TNS1: variants seen among roughly 807,000 people sequenced by gnomAD.
TNS1 encodes tensin-1.
Under a neutral mutation model 168.6 loss-of-function variants are expected in TNS1, and 62 were observed. The observed-to-expected ratio is 0.37, with a 90% confidence interval of 0.30 to 0.45. The LOEUF is 0.45. Ranked by LOEUF, TNS1 falls within the 20% of genes least tolerant of loss-of-function variation. The pLI is 1.00. For synonymous variants in TNS1, 934 were observed against 933.2 expected (o/e 1.00, Z -0.02); for missense variants, 2,240 against 2,339.4 (o/e 0.96, Z 0.88).
At chr2:217,820,647 T>C (rs1942694531) in intron 23 of TNS1, among the ~76,000 whole-genome samples, 1 of 152,068 alleles carries the variant, frequency 6.6e-6, no homozygotes, top group Non-Finnish European at 1.5e-5. Flanking sequence ...TCTCCCCTCC[T>C]GGGGGCGACA....
At chr2:217,824,601 G>A (rs371738322) in intron 22 of TNS1, among the ~76,000 whole-genome samples, 9 of 152,192 alleles carry the variant, frequency 5.9e-5, no homozygotes, top group East Asian at 3.8e-4. Flanking sequence ...CCCTCTGCAA[G>A]TCGGGAAGCC....
At position 217,876,307 on chromosome 2, in the gene TNS1, C is replaced by A. The variant is rs1020461650; in HGVS notation, c.1429+4591G>T. ...TTATACAGCAGAGGCAAAAACACAG[C>A]GCCACCCCTACCCATGGGGACCTGG... On this transcript the variant is annotated intron_variant, in intron 18 of 32. Coordinates refer to ENST00000682258, the MANE Select transcript of TNS1 (RefSeq NM_001387777.1). 2.6e-5 allele frequency among the ~76,000 whole-genome samples: 4 copies of A among 152,140 alleles called. No individual in the cohort carries two copies. In the South Asian group the frequency reaches 8.3e-4, roughly 32 times the overall value.
chr2:217,800,166 A>C lies in TNS1; in HGVS notation c.*4293T>G, dbSNP rs1032494941. On this transcript the variant is annotated 3_prime_UTR_variant, in exon 33 of 33. Coordinates refer to ENST00000682258, the MANE Select transcript of TNS1 (RefSeq NM_001387777.1). ...CACTGATGTGCTCTCACACACACGCACAAACAAAACACAGACACAGGAGAG... is the reference window on the plus strand; with the variant it reads ...CACTGATGTGCTCTCACACACACGCCCAAACAAAACACAGACACAGGAGAG... The C allele has an allele frequency of 2.0e-5, 3 of 152,358 alleles. No homozygotes were observed. Among genetic ancestry groups the C allele is most frequent in the African/African-American group, 7.2e-5 (3 of 41,448 alleles). 9.4% of individuals were successfully genotyped at this position (152,358 alleles called of 1,614,324 possible).
At chr2:217,916,744 C>A (rs1955053829) in intron 4 of TNS1, among the ~76,000 whole-genome samples, 1 of 152,214 alleles carries the variant, frequency 6.6e-6, no homozygotes, top group Non-Finnish European at 1.5e-5. Context: ...ATTTGGCTGG[C>A]AGGGCCTGAA....
intron 18 of TNS1, chr2:217,850,229 G>A (rs977937679): frequency 1.0e-6 from 1 of 985,290 alleles, no homozygotes; most frequent in Non-Finnish European, 1.2e-6. Context: ...ACAGGCCAAG[G>A]TGGGGCTCAG....
chr2:217,809,549 A>G lies in TNS1; in HGVS notation c.5273+274T>C, dbSNP rs1393714209. ...GGTGCATGGATGGATGCATGGATGG[A>G]TGGATGGATGGATGGATGGATGGAT... is the stretch of plus-strand genomic sequence containing the variant. On this transcript the variant is annotated intron_variant, in intron 30 of 32. Transcript: ENST00000682258. Among the ~76,000 whole-genome samples, 336 of 72,798 alleles carry G rather than the reference A, an allele frequency of 4.6e-3. 105 individuals are homozygous for G. Among genetic ancestry groups the G allele is most frequent in the Admixed American group, 0.017 (112 of 6,672 alleles). 47.8% of individuals were successfully genotyped at this position (72,798 alleles called of 152,430 possible). A position where few individuals can be genotyped will look rare whatever the true frequency, so the allele number is the denominator to read the frequency against.
chr2:217,908,386 C>T (rs760480370), intron 4 of TNS1, among the ~76,000 whole-genome samples: 2 of 152,120 alleles, frequency 1.3e-5, no homozygotes, highest in Non-Finnish European at 2.9e-5. Flanking sequence ...GTTATGGGGC[C>T]CTCAAATTGG....
intron 12 of TNS1, chr2:217,890,605 G>A (rs376433645): frequency 1.2e-4 from 37 of 303,032 alleles, no homozygotes; most frequent in African/African-American, 7.3e-4. Context: ...GCAGTCTCCC[G>A]TAGACTCATC....
chr2:217,995,790 C>T lies in TNS1; in HGVS notation c.34-4734G>A, dbSNP rs1958458526. 6.6e-6 allele frequency among the ~76,000 whole-genome samples: 1 copy of T among 152,322 alleles called. No individual in the cohort carries two copies. The highest frequency in any genetic ancestry group is 2.1e-4 in the South Asian group (1 of 4,828). The stretch of plus-strand genomic sequence containing the variant: ...CCCACACCCCTCAACCCCCACCTCT[C>T]TCAAGAGCCAGGGCCCAGGAAAGGG... On this transcript the variant is annotated intron_variant, in intron 1 of 32. Coordinates refer to ENST00000682258, the MANE Select transcript of TNS1 (RefSeq NM_001387777.1). The surrounding 1 kb of genome is among the most constrained non-coding windows in gnomAD (Gnocchi z 4.1).
intron 32 of TNS1, among the ~76,000 whole-genome samples, chr2:217,804,843 T>C (rs1434808830): frequency 6.6e-6 from 1 of 152,036 alleles, no homozygotes; most frequent in African/African-American, 2.4e-5. Flanking sequence ...AAATCCCCTT[T>C]GAAGGGGTGC....
chr2:217,931,017 G>A (rs367886422), intron 3 of TNS1, among the ~76,000 whole-genome samples: 28 of 152,216 alleles, frequency 1.8e-4, no homozygotes, highest in Admixed American at 8.5e-4. Flanking sequence ...CGTGGGGAGC[G>A]AGACCACGTG....
At chr2:217,938,064 A>G (rs1429951779) in intron 3 of TNS1, among the ~76,000 whole-genome samples, 3 of 152,200 alleles carry the variant, frequency 2.0e-5, no homozygotes, top group African/African-American at 7.2e-5. Flanking sequence ...GGCAGAGGTG[A>G]GCAGGGGCCA....
At chr2:217,890,683 T>A (rs1179461392) in intron 12 of TNS1, 2 of 504,226 alleles carry the variant, frequency 4.0e-6, no homozygotes, top group East Asian at 6.8e-5. Context: ...AGCGCCTTCT[T>A]ATCCCCAGAC....
chr2:217,829,707 G>A (rs1018411190), intron 22 of TNS1: 24 of 955,550 alleles, frequency 2.5e-5, no homozygotes, highest in Admixed American at 7.7e-5. Flanking sequence ...AAGCGTTGGG[G>A]GACAGGAAGG....
chr2:217,928,055 G>C (rs182160631), intron 3 of TNS1, among the ~76,000 whole-genome samples: 26 of 152,336 alleles, frequency 1.7e-4, no homozygotes, highest in Admixed American at 3.3e-4. Context: ...ATTCAACCTG[G>C]TAAGGCAAGC....
At chr2:217,853,514 C>T (rs749953657) in intron 18 of TNS1, among the ~76,000 whole-genome samples, 16 of 152,164 alleles carry the variant, frequency 1.1e-4, no homozygotes, top group Non-Finnish European at 2.1e-4. Context: ...CTGCAGGCAG[C>T]CCCAAGTGGA....
intron 19 of TNS1, among the ~76,000 whole-genome samples, chr2:217,838,414 G>A (rs1246581612): frequency 3.3e-5 from 5 of 152,244 alleles, no homozygotes; most frequent in Admixed American, 1.3e-4. Flanking sequence ...GAGGCAGTCA[G>A]CCATCTGAGG....
intron 16 of TNS1, among the ~76,000 whole-genome samples, chr2:217,882,921 G>T (rs536120739): frequency 3.2e-4 from 48 of 152,202 alleles, no homozygotes; most frequent in African/African-American, 9.6e-4. Flanking sequence ...TCTGCCTCCA[G>T]AGTAACTGGG....
At chr2:217,918,083 G>A (rs1327753612) in intron 4 of TNS1, among the ~76,000 whole-genome samples, 1 of 152,172 alleles carries the variant, frequency 6.6e-6, no homozygotes, top group African/African-American at 2.4e-5. Flanking sequence ...GTCACGTAGG[G>A]CTGCTTGGGC....
Sources: allele counts gnomAD v4.1 joint callset (sites outside exome capture counted in the v4.1 genomes callset), GRCh38; gene constraint gnomAD v4.1.1; non-coding constraint Gnocchi (gnomAD v3.1); transcripts MANE v1.5; gene names NCBI Gene and HGNC (gene_info 2026-07-23, HGNC 2026-07-21).